The following ALK variants were observed in gnomAD, a reference collection of about 807,000 sequenced individuals.
The protein encoded by ALK is ALK receptor tyrosine kinase.
Under a neutral mutation model 163.1 loss-of-function variants are expected in ALK, and 74 were observed. That is an observed-to-expected ratio of 0.45 (90% CI 0.38 to 0.55). ALK has a LOEUF of 0.55. Ranked by LOEUF, ALK falls within the 20% of genes least tolerant of loss-of-function variation. The probability of loss-of-function intolerance (pLI) is 0.00; values close to 1 mark genes in which losing one functional copy is unlikely to be tolerated. For synonymous variants in ALK, 960 were observed against 843.2 expected (o/e 1.14, Z -2.40); for missense variants, 2,063 against 2,105.3 (o/e 0.98, Z 0.39).
chr2:29,229,456 G>A (rs577833257), intron 15 of ALK, among the ~76,000 whole-genome samples: 6 of 152,232 alleles, frequency 3.9e-5, no homozygotes, highest in Admixed American at 1.3e-4. Flanking sequence ...CTGGACCTTC[G>A]TTTCATTAAC....
At chr2:29,209,949 A>G in intron 24 of ALK, 71 bp from the exon 25 acceptor site, 1 of 1,216,314 alleles carries the variant, frequency 8.2e-7, no homozygotes, top group Non-Finnish European at 1.2e-6. Flanking sequence ...CATCACTAGG[A>G]TTTTATCTCC....
intron 5 of ALK, among the ~76,000 whole-genome samples, chr2:29,352,205 G>T (rs866873926): frequency 6.6e-5 from 10 of 152,248 alleles, no homozygotes; most frequent in Admixed American, 2.0e-4. Flanking sequence ...AATAAAGATT[G>T]TGGGGAAGAG....
intron 2 of ALK, among the ~76,000 whole-genome samples, chr2:29,705,655 T>C (rs897067498): frequency 7.2e-5 from 11 of 152,176 alleles, no homozygotes; most frequent in Admixed American, 3.3e-4. Context: ...GTGCCATTAC[T>C]AGCTCCACAT....
At chr2:29,670,707 T>A (rs1021461201) in intron 3 of ALK, among the ~76,000 whole-genome samples, 3 of 152,096 alleles carry the variant, frequency 2.0e-5, no homozygotes, top group African/African-American at 7.2e-5. Context: ...TGTTCTTTTT[T>A]CTTTGACTGT....
At chr2:29,516,261 T>A (rs900040563) in intron 4 of ALK, among the ~76,000 whole-genome samples, 2 of 152,166 alleles carry the variant, frequency 1.3e-5, no homozygotes, top group Non-Finnish European at 1.5e-5. Flanking sequence ...GGAGTATAGA[T>A]CAGACACTGC....
rs200902932 is a variant in ALK at position 29,196,770 on chromosome 2, C to G, written c.4164G>C (p.Gln1388His). Residue 1388 changes from glutamine (Q) to histidine (H), a missense_variant and splice_region_variant, in exon 28 of 29, where the codon CAG becomes CAC. By Grantham distance (24) the Gln-to-His change is conservative. Around this residue, in one of 5 missense-constraint regions of ALK, gnomAD observed 403 missense variants for 366.2 expected, o/e 1.10. Coordinates refer to ENST00000389048, the MANE Select transcript of ALK (RefSeq NM_004304.5). Reference protein sequence around the residue: ...IILERIEYCTQDPDVINTALP... With the variant: ...IILERIEYCTHDPDVINTALP... ...TGACCAAAGGGAGAAAATGTTTTAC[C>G]TGGGTGCAGTATTCAATCCTCTCCA... The G allele has an allele frequency of 5.0e-6, 8 of 1,611,344 alleles. No individual in the cohort carries two copies. Among genetic ancestry groups the G allele is most frequent in the Non-Finnish European group, 6.8e-6 (8 of 1,177,574 alleles).
chr2:29,593,775 A>G (rs570754667), intron 3 of ALK, among the ~76,000 whole-genome samples: 1 of 152,362 alleles, frequency 6.6e-6, no homozygotes, highest in South Asian at 2.1e-4. Context: ...CTGATATCCT[A>G]TGTGACTATG....
chr2:29,881,200 C>A (rs1160612235), intron 1 of ALK, among the ~76,000 whole-genome samples: 2 of 152,178 alleles, frequency 1.3e-5, no homozygotes, highest in African/African-American at 2.4e-5. Flanking sequence ...ATTTCCAATC[C>A]CTCCATTTCC....
intron 23 of ALK, among the ~76,000 whole-genome samples, chr2:29,217,962 T>C (rs1246940837): frequency 6.6e-6 from 1 of 152,230 alleles, no homozygotes; most frequent in Non-Finnish European, 1.5e-5. Flanking sequence ...TAGTCCTGTC[T>C]GTCTGCTGGA....
At chr2:29,816,078 A>G (rs182944387) in intron 1 of ALK, among the ~76,000 whole-genome samples, 35 of 152,364 alleles carry the variant, frequency 2.3e-4, no homozygotes, top group African/African-American at 7.0e-4. Context: ...AATTTCTTCC[A>G]CAAGTACACA....
chr2:29,849,712 G>A (rs1170062577), intron 1 of ALK, among the ~76,000 whole-genome samples: 1 of 152,084 alleles, frequency 6.6e-6, no homozygotes, highest in Non-Finnish European at 1.5e-5. Flanking sequence ...GGCCAGTTTT[G>A]CTGGTACCTG....
intron 1 of ALK, among the ~76,000 whole-genome samples, chr2:29,741,393 G>A (rs1200960293): frequency 6.6e-6 from 1 of 152,324 alleles, no homozygotes; most frequent in African/African-American, 2.4e-5. Context: ...TGTTGACAGT[G>A]GGGGAGCTAT....
intron 5 of ALK, among the ~76,000 whole-genome samples, chr2:29,331,717 C>A (rs1667444523): frequency 6.6e-6 from 1 of 152,116 alleles, no homozygotes; most frequent in Admixed American, 6.5e-5. Flanking sequence ...GAGTCGAGAG[C>A]ACCCCAGAAG....
In ALK at chr2:29,328,403, G is replaced by A. The variant is rs766818130; in HGVS notation, c.1361C>T (p.Ala454Val). 20 of 1,614,170 alleles carry A rather than the reference G, an allele frequency of 1.2e-5. No individual in the cohort carries two copies. The highest frequency in any genetic ancestry group is 1.7e-5 in the Non-Finnish European group (20 of 1,180,028). ...WNGTVLQLGQ[A>V]CDFHQDCAQG... Reference sequence around the variant, plus strand: ...GGCACAGTCCTGGTGGAAGTCACAGGCCTGCCCAAGCTGGAGGACTGTCCC... The same window carrying A: ...GGCACAGTCCTGGTGGAAGTCACAGACCTGCCCAAGCTGGAGGACTGTCCC... Residue 454 changes from alanine to valine, a missense_variant, in exon 6 of 29, where the codon GCC (alanine) becomes GTC (valine). By Grantham distance (64) the Ala-to-Val change is moderately conservative (BLOSUM62 0). This residue lies in a region of ALK where 987 missense variants were observed against 939.5 expected (regional missense o/e 1.05). Transcript: ENST00000389048.
chr2:29,336,830 C>A (rs2148266703), intron 5 of ALK, among the ~76,000 whole-genome samples: 1 of 152,346 alleles, frequency 6.6e-6, no homozygotes, highest in South Asian at 2.1e-4. Flanking sequence ...TTCTGGCCAT[C>A]TCCTACCTGC....
chr2:29,432,967 G>A (rs1670308943), intron 4 of ALK, among the ~76,000 whole-genome samples: 2 of 152,122 alleles, frequency 1.3e-5, no homozygotes, highest in East Asian at 1.9e-4. Context: ...TTCCTTATCT[G>A]TATGAGCAGG....
At chr2:29,695,607 C>T (rs1678531842) in intron 2 of ALK, among the ~76,000 whole-genome samples, 1 of 152,146 alleles carries the variant, frequency 6.6e-6, no homozygotes, top group African/African-American at 2.4e-5. Flanking sequence ...ATTTTGCAAT[C>T]TATCCACCTG....
chr2:29,902,123 T>G (rs1326353143), intron 1 of ALK, among the ~76,000 whole-genome samples: 1 of 152,182 alleles, frequency 6.6e-6, no homozygotes, highest in Non-Finnish European at 1.5e-5. Context: ...ACTTCTTACA[T>G]GAGTTCTAGT....
intron 3 of ALK, among the ~76,000 whole-genome samples, chr2:29,573,839 C>T (rs756325138): frequency 6.6e-6 from 1 of 152,118 alleles, no homozygotes; most frequent in African/African-American, 2.4e-5. Flanking sequence ...AAGACTGATT[C>T]ATGCAATAAG....
Sources: allele counts gnomAD v4.1 joint callset (sites outside exome capture counted in the v4.1 genomes callset), GRCh38; gene constraint gnomAD v4.1.1; regional missense constraint gnomAD v4.1.1; transcripts MANE v1.5; gene names NCBI Gene and HGNC (gene_info 2026-07-23, HGNC 2026-07-21).